L3MBTL4: variants seen among roughly 807,000 people sequenced by gnomAD.
L3MBTL4 encodes L3MBTL histone methyl-lysine binding protein 4.
In L3MBTL4, 70 loss-of-function variants were observed where a neutral mutation model predicts 84.5. The observed-to-expected ratio is 0.83, with a 90% confidence interval of 0.68 to 1.01. L3MBTL4 has a LOEUF of 1.01. L3MBTL4 is among the 50% of genes least tolerant of loss of function. The probability of loss-of-function intolerance (pLI) is 0.00; values close to 1 mark genes in which losing one functional copy is unlikely to be tolerated. For synonymous variants in L3MBTL4, 274 were observed against 259.8 expected, an observed-to-expected ratio of 1.05 and a Z score of -0.52; for missense variants, 715 against 754.8, an observed-to-expected ratio of 0.95 and a Z score of 0.62.
At chr18:5,976,561 A>G (rs77204831) in intron 16 of L3MBTL4, among the ~76,000 whole-genome samples, 1,933 of 152,292 alleles carry the variant, frequency 0.013, 39 homozygotes, top group African/African-American at 0.044. Context: ...CAGAAATCCA[A>G]TAACAGAAGG....
intron 1 of L3MBTL4, among the ~76,000 whole-genome samples, chr18:6,336,373 T>C (rs2052339379): frequency 6.6e-6 from 1 of 152,042 alleles, no homozygotes; most frequent in Admixed American, 6.5e-5. Flanking sequence ...AGGATCGAAA[T>C]TGGAGACTTG....
At chr18:5,997,460 T>C (rs1401335276) in intron 16 of L3MBTL4, among the ~76,000 whole-genome samples, 1 of 152,212 alleles carries the variant, frequency 6.6e-6, no homozygotes, top group Non-Finnish European at 1.5e-5. Flanking sequence ...GATTGCTTCC[T>C]CAGCCCTGTG....
At chr18:6,005,380 T>C (rs1353850251) in intron 16 of L3MBTL4, among the ~76,000 whole-genome samples, 1 of 150,438 alleles carries the variant, frequency 6.6e-6, no homozygotes, top group Non-Finnish European at 1.5e-5. Context: ...TGTACGGGTT[T>C]GTTATATAGG....
intron 12 of L3MBTL4, among the ~76,000 whole-genome samples, chr18:6,184,081 A>G (rs899709806): frequency 4.6e-5 from 7 of 152,202 alleles, no homozygotes; most frequent in African/African-American, 1.7e-4. Context: ...GGAAGTATAC[A>G]CACACAGAGA....
intron 14 of L3MBTL4, among the ~76,000 whole-genome samples, chr18:6,118,369 T>C (rs2059423341): frequency 6.6e-6 from 1 of 152,142 alleles, no homozygotes; most frequent in Non-Finnish European, 1.5e-5. Flanking sequence ...ATTCCTCAAC[T>C]GGATCCAGAG....
At chr18:5,989,756 A>G (rs1398412683) in intron 16 of L3MBTL4, among the ~76,000 whole-genome samples, 1 of 152,186 alleles carries the variant, frequency 6.6e-6, no homozygotes, top group Non-Finnish European at 1.5e-5. Context: ...GGCCACAATC[A>G]CTTCACATGT....
intron 4 of L3MBTL4, among the ~76,000 whole-genome samples, chr18:6,297,829 C>T (rs549752916): frequency 6.6e-6 from 1 of 152,296 alleles, no homozygotes; most frequent in African/African-American, 2.4e-5. Context: ...GTCTCTTCCC[C>T]TTAATATTTT....
At chr18:6,050,221 G>C (rs2056791212) in intron 16 of L3MBTL4, among the ~76,000 whole-genome samples, 2 of 152,162 alleles carry the variant, frequency 1.3e-5, no homozygotes, top group South Asian at 4.1e-4. Flanking sequence ...TTAATTATCT[G>C]TATCCCTTTC....
intron 1 of L3MBTL4, among the ~76,000 whole-genome samples, chr18:6,359,529 C>T (rs1385601921): frequency 1.3e-5 from 2 of 151,092 alleles, no homozygotes; most frequent in Non-Finnish European, 3.0e-5. Flanking sequence ...TCTCTAAACA[C>T]TTTTTTTTTC....
chr18:6,377,830 A>G (rs1390271238), intron 1 of L3MBTL4, among the ~76,000 whole-genome samples: 1 of 152,230 alleles, frequency 6.6e-6, no homozygotes, highest in Non-Finnish European at 1.5e-5. Context: ...TCCTTTGAGT[A>G]TATACCCAGT....
intron 1 of L3MBTL4, among the ~76,000 whole-genome samples, chr18:6,409,144 T>C (rs1293273493): frequency 2.6e-5 from 4 of 152,168 alleles, no homozygotes; most frequent in Admixed American, 2.6e-4. Context: ...GTGTACCAGG[T>C]GTAACCAGAT....
intron 1 of L3MBTL4, among the ~76,000 whole-genome samples, chr18:6,401,271 C>G (rs2055499884): frequency 6.6e-6 from 1 of 152,154 alleles, no homozygotes; most frequent in African/African-American, 2.4e-5. Context: ...GTGGCACATA[C>G]TAATTTTTAG....
chr18:5,998,882 C>A (rs1379238954), intron 16 of L3MBTL4, among the ~76,000 whole-genome samples: 1 of 152,210 alleles, frequency 6.6e-6, no homozygotes, highest in African/African-American at 2.4e-5. Context: ...TCAGGCTCCT[C>A]TATTCCAAGT....
chr18:5,954,946 A>G lies in L3MBTL4; in HGVS notation c.*1274T>C, dbSNP rs2095218772. On this transcript the variant is annotated 3_prime_UTR_variant, in exon 19 of 19. Coordinates refer to ENST00000317931, the MANE Select transcript of L3MBTL4 (RefSeq NM_001330559.2). ...TTGTTTATTTTCTTCAGTGAAAAAAAAATGTAAAGCTTGAGAAATTCTCCA... is the reference window on the plus strand; with the variant it reads ...TTGTTTATTTTCTTCAGTGAAAAAAGAATGTAAAGCTTGAGAAATTCTCCA... 1 of 152,192 alleles carries G rather than the reference A, an allele frequency of 6.6e-6. No homozygotes were observed. The highest frequency in any genetic ancestry group is 6.5e-5 in the Admixed American group (1 of 15,284). The allele number at this position is 152,192 out of a possible 1,614,324, so 9.4% of individuals were successfully genotyped here.
chr18:6,197,473 A>G (rs888626638), intron 12 of L3MBTL4, among the ~76,000 whole-genome samples: 25 of 152,322 alleles, frequency 1.6e-4, no homozygotes, highest in African/African-American at 6.0e-4. Context: ...ATAGTATTCC[A>G]TGGTGTATAT....
At chr18:6,380,050 G>A (rs2054533834) in intron 1 of L3MBTL4, among the ~76,000 whole-genome samples, 1 of 152,148 alleles carries the variant, frequency 6.6e-6, no homozygotes. Flanking sequence ...TCTTGGGAGG[G>A]TGTATATGTG....
chr18:5,979,198 G>A (rs1369174724), intron 16 of L3MBTL4, among the ~76,000 whole-genome samples: 2 of 152,116 alleles, frequency 1.3e-5, no homozygotes, highest in Non-Finnish European at 2.9e-5. Context: ...TTTTCTCTGG[G>A]AATGTGCCCC....
intron 5 of L3MBTL4, among the ~76,000 whole-genome samples, chr18:6,250,901 A>G (rs1389782178): frequency 6.6e-6 from 1 of 152,260 alleles, no homozygotes; most frequent in Non-Finnish European, 1.5e-5. Context: ...AAATTGTTCC[A>G]ATGTGTCCCT....
At chr18:6,060,396 T>C (rs945170527) in intron 16 of L3MBTL4, among the ~76,000 whole-genome samples, 5 of 152,024 alleles carry the variant, frequency 3.3e-5, no homozygotes, top group African/African-American at 1.2e-4. Context: ...ATCAGCTTTT[T>C]TTTTTTTCTT....
Sources: allele counts gnomAD v4.1 joint callset (sites outside exome capture counted in the v4.1 genomes callset), GRCh38; gene constraint gnomAD v4.1.1; transcripts MANE v1.5; gene names NCBI Gene and HGNC (gene_info 2026-07-23, HGNC 2026-07-21).